CAPS2: variants seen among roughly 807,000 people sequenced by gnomAD.
The protein encoded by CAPS2 is calcyphosin-2.
Under a neutral mutation model 86.5 loss-of-function variants are expected in CAPS2, and 98 were observed. The ratio of observed to expected loss-of-function variants is 1.13; its 90% CI spans 0.96 to 1.34. CAPS2 has a LOEUF of 1.34. Among genes scored for constraint, CAPS2 ranks in the 40% most tolerant of loss-of-function variants. The pLI, the probability that CAPS2 is intolerant of heterozygous loss-of-function variation, is 0.00. For missense variants in CAPS2, 729 were observed against 686.8 expected (o/e 1.06, Z -0.69); for synonymous variants, 210 against 225.1 (o/e 0.93, Z 0.60).
In CAPS2 at chr12:75,315,219, T is replaced by C. The variant is rs2039633838; in HGVS notation, c.591+1093A>G. On this transcript the variant is annotated intron_variant, in intron 6 of 16. Coordinates refer to ENST00000393284, the Ensembl canonical transcript of CAPS2. Reference sequence around the variant, plus strand: ...GAAATCCATTAACATCCAGATTGCTTTGAATTACATCAAGAACAATACCCA... The same window carrying C: ...GAAATCCATTAACATCCAGATTGCTCTGAATTACATCAAGAACAATACCCA... Among the ~76,000 whole-genome samples, 3 of 152,166 alleles carry C rather than the reference T, an allele frequency of 2.0e-5. No individual in the cohort carries two copies. In the South Asian group the frequency reaches 6.2e-4, roughly 31 times the overall value.
chr12:75,281,178 A>G lies in CAPS2; in HGVS notation c.1612+1073T>C, dbSNP rs527455959. Among the ~76,000 whole-genome samples the G allele has an allele frequency of 1.1e-4, 17 of 152,066 alleles. No homozygotes were observed. The South Asian group carries it at 3.5e-3, about 31-fold the overall frequency. ...AAAGAACTCTTCAACAAATGGCTAT[A>G]TAATTTAATATAGTCATTTTACAAT... On this transcript the variant is annotated intron_variant, in intron 16 of 16. Transcript: ENST00000393284.
chr12:75,285,732 T>A (rs2034761493), intron 14 of CAPS2, among the ~76,000 whole-genome samples: 1 of 152,010 alleles, frequency 6.6e-6, no homozygotes, highest in Admixed American at 6.6e-5. Context: ...TATGTGTGGT[T>A]ACCATTTACT....
Position 75,312,920 on chromosome 12 carries a change from G to A in CAPS2, c.592-5C>T. On this transcript the variant is annotated splice_polypyrimidine_tract_variant and splice_region_variant and intron_variant, in intron 6 of 16. Transcript: ENST00000393284. ...CTTCTCTGCAGCCACAATTTCCTGGGAAGATTAAATAAAGACAACTTCACC... is the reference window on the plus strand; with the variant it reads ...CTTCTCTGCAGCCACAATTTCCTGGAAAGATTAAATAAAGACAACTTCACC... 1 of 1,593,802 alleles carries A rather than the reference G, an allele frequency of 6.3e-7. No individual in the cohort carries two copies. The highest frequency in any genetic ancestry group is 8.6e-7 in the Non-Finnish European group (1 of 1,162,782).
chr12:75,351,001 T>C lies in CAPS2; in HGVS notation c.-394-27779A>G, dbSNP rs148733240. The stretch of plus-strand genomic sequence containing the variant: ...AGAATAACCAGTTTAGAGAGGAACA[T>C]AAATGAACTGATGGAGCTGTAAAAC... On this transcript the variant is annotated intron_variant, in intron 1 of 5. Transcript: ENST00000551829. Among the ~76,000 whole-genome samples the C allele has an allele frequency of 1.1e-3, 173 of 152,256 alleles. 2 individuals are homozygous for C. Among genetic ancestry groups the C allele is most frequent in the South Asian group, 9.5e-3 (46 of 4,830 alleles).
chr12:75,323,430 T>TAATTA (rs1487907509), intron 2 of CAPS2, among the ~76,000 whole-genome samples: 1 of 151,916 alleles, frequency 6.6e-6, no homozygotes, highest in Non-Finnish European at 1.5e-5. Flanking sequence ...TATAAATTTA[T>TAATTA]AATTAAATTA....
At chr12:75,322,583 T>G (rs1453442861) in intron 4 of CAPS2, among the ~76,000 whole-genome samples, 2 of 152,208 alleles carry the variant, frequency 1.3e-5, no homozygotes, top group African/African-American at 4.8e-5. Flanking sequence ...ACACTAGATA[T>G]GTTTGAAGCA....
chr12:75,339,247 G>A (rs191277302), intron 1 of CAPS2, among the ~76,000 whole-genome samples: 14 of 151,978 alleles, frequency 9.2e-5, no homozygotes, highest in Admixed American at 5.9e-4. Flanking sequence ...TTTTTTTCCC[G>A]CAACACTGCC....
At chr12:75,320,377 T>C (rs1487652466) in intron 5 of CAPS2, among the ~76,000 whole-genome samples, 1 of 152,146 alleles carries the variant, frequency 6.6e-6, no homozygotes, top group Non-Finnish European at 1.5e-5. Flanking sequence ...TAAATATCAT[T>C]TGGTATATCC....
At chr12:75,367,958 A>G (rs896485002) in intron 1 of CAPS2, among the ~76,000 whole-genome samples, 4 of 152,110 alleles carry the variant, frequency 2.6e-5, no homozygotes, top group Non-Finnish European at 5.9e-5. Flanking sequence ...AGGTTATAAA[A>G]GTTTTCTCTT....
At position 75,298,792 on chromosome 12, in the gene CAPS2, A is replaced by C; in HGVS notation, c.951-12T>G. On this transcript the variant is annotated splice_polypyrimidine_tract_variant and intron_variant, in intron 10 of 16. Transcript: ENST00000393284. Reference sequence around the variant, plus strand: ...GAAGCACATTTGTTCTAGAAAGTAAATGAAAAAAAAATGGAAAGTTATTTA... The same window carrying C: ...GAAGCACATTTGTTCTAGAAAGTAACTGAAAAAAAAATGGAAAGTTATTTA... 1 of 1,608,370 alleles carries C rather than the reference A, an allele frequency of 6.2e-7. No homozygotes were observed. Among genetic ancestry groups the C allele is most frequent in the Non-Finnish European group, 8.5e-7 (1 of 1,174,980 alleles).
chr12:75,371,301 G>A (rs985246954), intron 1 of CAPS2: 2 of 161,534 alleles, frequency 1.2e-5, no homozygotes, highest in African/African-American at 4.8e-5. Context: ...TCCAGCACAC[G>A]AGAAAGATGA....
intron 1 of CAPS2, among the ~76,000 whole-genome samples, chr12:75,382,616 G>T (rs945401462): frequency 6.6e-6 from 1 of 150,618 alleles, no homozygotes; most frequent in Admixed American, 6.6e-5. Context: ...CTCCAGCCTG[G>T]GCGACAGAGT....
At chr12:75,330,644 G>A (rs74108716), upstream of CAPS2, among the ~76,000 whole-genome samples, 178 of 152,144 alleles carry the variant, frequency 1.2e-3, 1 homozygote, top group African/African-American at 4.2e-3. Context: ...TTAAATTTGT[G>A]TGACTATGTA....
At chr12:75,358,009 CATAA>C (rs1364507135) in intron 1 of CAPS2, among the ~76,000 whole-genome samples, 2 of 148,410 alleles carry the variant, frequency 1.3e-5, no homozygotes, top group South Asian at 2.1e-4. Context: ...TAAAAGCATA[CATAA>C]ATAAAATAAC....
intron 5 of CAPS2, among the ~76,000 whole-genome samples, chr12:75,317,494 G>A (rs1310069767): frequency 6.6e-6 from 1 of 151,960 alleles, no homozygotes; most frequent in Non-Finnish European, 1.5e-5. Flanking sequence ...AAACACTTTC[G>A]AAATAATTTT....
At chr12:75,386,365 G>C (rs2045292243) in intron 1 of CAPS2, among the ~76,000 whole-genome samples, 1 of 152,200 alleles carries the variant, frequency 6.6e-6, no homozygotes, top group African/African-American at 2.4e-5. Flanking sequence ...CTGGAGGCTA[G>C]AAAGTCCAAG....
chr12:75,291,566 AGTATATAT>A (rs1188454949), intron 13 of CAPS2, among the ~76,000 whole-genome samples, 170 bp downstream of exon 13: 438 of 41,820 alleles, frequency 0.01, 7 homozygotes, highest in Admixed American at 0.015. Flanking sequence ...TATTTTTAAA[AGTATATAT>A]ATATATATAT....
upstream of CAPS2, among the ~76,000 whole-genome samples, chr12:75,331,785 G>T (rs990000921): frequency 2.0e-5 from 3 of 151,876 alleles, no homozygotes; most frequent in Admixed American, 1.3e-4. Context: ...GGATGGTCTC[G>T]ATCTCCTGAC....
chr12:75,343,009 A>G (rs1220224318), intron 1 of CAPS2, among the ~76,000 whole-genome samples: 1 of 151,758 alleles, frequency 6.6e-6, no homozygotes, highest in Non-Finnish European at 1.5e-5. Context: ...AACTTCATTT[A>G]TTTTTATAGT....
Sources: gnomAD v4.1 joint callset for allele counts (sites outside exome capture counted in the v4.1 genomes callset) on GRCh38, gnomAD v4.1.1 for gene constraint, MANE v1.5 for transcripts, NCBI Gene and HGNC (gene_info 2026-07-23, HGNC 2026-07-21) for gene names.